Variants in SPOCK1 observed in about 807,000 individuals in gnomAD.
The protein encoded by SPOCK1 is testican-1.
In SPOCK1, 23 loss-of-function variants were observed where a neutral mutation model predicts 55.3. The observed-to-expected ratio is 0.42, with a 90% CI of 0.30 to 0.59. The LOEUF is 0.59. Among genes scored for constraint, SPOCK1 ranks in the 20% least tolerant of loss-of-function variants. The pLI is 0.22. For synonymous variants in SPOCK1, 226 were observed against 221.0 expected (o/e 1.02, Z -0.20); for missense variants, 499 against 552.5 (o/e 0.90, Z 0.97).
intron 2 of SPOCK1, among the ~76,000 whole-genome samples, chr5:137,380,898 T>C (rs1269083702): frequency 6.6e-6 from 1 of 152,092 alleles, no homozygotes; most frequent in Non-Finnish European, 1.5e-5. Context: ...CATTGCAAAA[T>C]ACAATTATCC....
intron 4 of SPOCK1, among the ~76,000 whole-genome samples, chr5:137,122,051 T>C (rs1580761900): frequency 6.6e-6 from 1 of 151,668 alleles, no homozygotes; most frequent in South Asian, 2.1e-4. Context: ...TGAAGACTAA[T>C]AGGATGACGT....
At chr5:137,462,100 G>C (rs535888994) in intron 2 of SPOCK1, among the ~76,000 whole-genome samples, 1 of 152,230 alleles carries the variant, frequency 6.6e-6, no homozygotes, top group Non-Finnish European at 1.5e-5. Context: ...AGCCTTAAGC[G>C]AGAGGAAGTG....
Position 137,352,634 on chromosome 5 carries a change from C to T in SPOCK1, c.187-85579G>A, listed in dbSNP as rs145718967. ...GGAAAGACGCAGGAGGAGGAAAAGACGAGGAAGAAGGAGGGAGGAGTGGAG... is the reference window on the plus strand; with the variant it reads ...GGAAAGACGCAGGAGGAGGAAAAGATGAGGAAGAAGGAGGGAGGAGTGGAG... On this transcript the variant is annotated intron_variant, in intron 2 of 10. Coordinates refer to ENST00000394945, the MANE Select transcript of SPOCK1 (RefSeq NM_004598.4). Among the ~76,000 whole-genome samples, 741 of 150,780 alleles carry T rather than the reference C, an allele frequency of 4.9e-3. 8 individuals are homozygous for T. The highest frequency in any genetic ancestry group is 0.017 in the African/African-American group (700 of 40,968).
chr5:137,115,395 G>A (rs182397767), intron 4 of SPOCK1, among the ~76,000 whole-genome samples: 22 of 151,416 alleles, frequency 1.5e-4, no homozygotes, highest in South Asian at 2.1e-4. Context: ...ATTGTTGAAC[G>A]GAAGTTGTTC....
At position 136,986,297 on chromosome 5, in the gene SPOCK1, C is replaced by T. The variant is rs137969940; in HGVS notation, c.929-1095G>A. On this transcript the variant is annotated intron_variant, in intron 8 of 10. Coordinates refer to ENST00000394945, the MANE Select transcript of SPOCK1 (RefSeq NM_004598.4). ...AGAGATGTCCCATGTGGCCAGGTGACCAGCTCTGGCACTGTTACCTCCAGG... is the reference window on the plus strand; with the variant it reads ...AGAGATGTCCCATGTGGCCAGGTGATCAGCTCTGGCACTGTTACCTCCAGG... Among the ~76,000 whole-genome samples the T allele has an allele frequency of 1.2e-3, 188 of 152,192 alleles. 1 individual carries two copies. The highest frequency in any genetic ancestry group is 4.4e-3 in the African/African-American group (181 of 41,500).
Position 137,340,152 on chromosome 5 carries a change from T to C in SPOCK1, c.187-73097A>G, listed in dbSNP as rs567093871. ...AGGTAGACAGTTAGGGGCCTTTCAG[T>C]CTCCAGCTGTCATCACTGAAGGAGA... On this transcript the variant is annotated intron_variant, in intron 2 of 10. Coordinates refer to ENST00000394945, the MANE Select transcript of SPOCK1 (RefSeq NM_004598.4). 5.3e-5 allele frequency among the ~76,000 whole-genome samples: 8 copies of C among 152,256 alleles called. No individual in the cohort carries two copies. The South Asian group carries it at 1.7e-3, about 32-fold the overall frequency.
chr5:137,013,862 T>A (rs527342439), intron 6 of SPOCK1, among the ~76,000 whole-genome samples: 1 of 152,076 alleles, frequency 6.6e-6, no homozygotes, highest in Non-Finnish European at 1.5e-5. Flanking sequence ...GGAGTTACAG[T>A]TTTTTTTAAG....
At chr5:137,309,264 G>A (rs1045972944) in intron 2 of SPOCK1, among the ~76,000 whole-genome samples, 4 of 152,162 alleles carry the variant, frequency 2.6e-5, no homozygotes, top group African/African-American at 9.7e-5. Flanking sequence ...CACAAGGAGA[G>A]GGGCAGCAGA....
At chr5:137,248,234 T>C (rs1289168890) in intron 3 of SPOCK1, among the ~76,000 whole-genome samples, 1 of 152,228 alleles carries the variant, frequency 6.6e-6, no homozygotes. Flanking sequence ...TAAAAATCTA[T>C]AGCATCTTAA....
chr5:137,012,297 C>T (rs561904136), intron 6 of SPOCK1, among the ~76,000 whole-genome samples: 1 of 152,252 alleles, frequency 6.6e-6, no homozygotes, highest in East Asian at 1.9e-4. Flanking sequence ...TTGTATCCTG[C>T]ATTCTCACCA....
At chr5:137,458,816 T>C (rs774488785) in intron 2 of SPOCK1, among the ~76,000 whole-genome samples, 4 of 152,160 alleles carry the variant, frequency 2.6e-5, no homozygotes, top group Non-Finnish European at 5.9e-5. Flanking sequence ...GACCCTCAGC[T>C]AAAATAAAAT....
At chr5:137,422,651 C>G (rs1462569314) in intron 2 of SPOCK1, among the ~76,000 whole-genome samples, 2 of 152,198 alleles carry the variant, frequency 1.3e-5, no homozygotes, top group Admixed American at 6.5e-5. Flanking sequence ...CCTTTAAGGA[C>G]TTCTCTGCAT....
At chr5:137,229,366 G>T (rs565216741) in intron 3 of SPOCK1, among the ~76,000 whole-genome samples, 23 of 152,146 alleles carry the variant, frequency 1.5e-4, no homozygotes, top group African/African-American at 4.8e-4. Flanking sequence ...CAGCTAAAAG[G>T]GGGGCTGGTC....
intron 5 of SPOCK1, among the ~76,000 whole-genome samples, chr5:137,071,636 G>A (rs976229307): frequency 2.0e-5 from 3 of 152,098 alleles, no homozygotes; most frequent in East Asian, 1.9e-4. Context: ...AGGTGACAAC[G>A]AAGCTAGAAC....
chr5:137,341,942 T>C (rs1335894377), intron 2 of SPOCK1, among the ~76,000 whole-genome samples: 1 of 152,222 alleles, frequency 6.6e-6, no homozygotes, highest in African/African-American at 2.4e-5. Context: ...TGGCAAACTG[T>C]TTTCTCTACT....
chr5:137,493,258 C>G (rs35259118), intron 2 of SPOCK1, among the ~76,000 whole-genome samples: 46,124 of 152,080 alleles, frequency 0.3, 8,294 homozygotes, highest in South Asian at 0.48. Context: ...AATGATGATA[C>G]ATTATTTAAT....
chr5:137,013,736 GACATGGGAT>G (rs1416711429), intron 6 of SPOCK1, among the ~76,000 whole-genome samples: 1 of 152,144 alleles, frequency 6.6e-6, no homozygotes, highest in Non-Finnish European at 1.5e-5. Context: ...ACTCCCTCTA[GACATGGGAT>G]ACCTGGATCT....
chr5:137,210,695 G>A (rs1426951982), intron 3 of SPOCK1, among the ~76,000 whole-genome samples: 1 of 152,194 alleles, frequency 6.6e-6, no homozygotes, highest in Admixed American at 6.5e-5. Context: ...AGATAACCCA[G>A]TCACCAGGCA....
intron 2 of SPOCK1, among the ~76,000 whole-genome samples, chr5:137,381,915 C>T (rs1171528837): frequency 6.6e-6 from 1 of 152,208 alleles, no homozygotes; most frequent in African/African-American, 2.4e-5. Flanking sequence ...TTTTTTGTTT[C>T]TACCACATGA....
Sources: gnomAD v4.1 joint callset for allele counts (sites outside exome capture counted in the v4.1 genomes callset) on GRCh38, gnomAD v4.1.1 for gene constraint, MANE v1.5 for transcripts, NCBI Gene and HGNC (gene_info 2026-07-23, HGNC 2026-07-21) for gene names.